Variants in PTPN9 observed in about 807,000 individuals in gnomAD.
The protein encoded by PTPN9 is protein tyrosine phosphatase non-receptor type 9.
Under a neutral mutation model 69.8 loss-of-function variants are expected in PTPN9, and 26 were observed. The ratio of observed to expected loss-of-function variants is 0.37; its 90% confidence interval spans 0.27 to 0.52. The LOEUF (loss-of-function observed/expected upper bound fraction) is 0.52, where lower values mean the gene tolerates loss of function less well. PTPN9 is among the 20% of genes least tolerant of loss of function. The pLI is 0.91. For synonymous variants in PTPN9, 274 were observed against 272.5 expected, an observed-to-expected ratio of 1.01 and a Z score of -0.05; for missense variants, 549 against 740.3, an observed-to-expected ratio of 0.74 and a Z score of 3.00.
intron 1 of PTPN9, among the ~76,000 whole-genome samples, chr15:75,570,548 T>C (rs536363191): frequency 5.5e-4 from 83 of 152,152 alleles, no homozygotes; most frequent in African/African-American, 1.8e-3. Context: ...GGCAGGAGGA[T>C]TGCTTGAGCT....
At position 75,532,471 on chromosome 15, in the gene PTPN9, G is replaced by T. The variant is rs150834299; in HGVS notation, c.64-5210C>A. ...GTCCTAATAAGAGAAAGGCATGCAG[G>T]TTTCACACACTTCCTTCAAAGTACA... On this transcript the variant is annotated intron_variant, in intron 1 of 12. Coordinates refer to ENST00000618819, the MANE Select transcript of PTPN9 (RefSeq NM_002833.4). Among the ~76,000 whole-genome samples the T allele has an allele frequency of 1.2e-4, 18 of 152,128 alleles. No individual in the cohort carries two copies. The East Asian group carries it at 2.1e-3, about 18-fold the overall frequency.
chr15:75,548,684 T>C (rs1439479174), intron 1 of PTPN9, among the ~76,000 whole-genome samples: 1 of 148,634 alleles, frequency 6.7e-6, no homozygotes, highest in Non-Finnish European at 1.5e-5. Flanking sequence ...GACAGAGTCT[T>C]GCTCTGTCAC....
intron 7 of PTPN9, among the ~76,000 whole-genome samples, chr15:75,503,223 G>C (rs1274460347): frequency 6.6e-6 from 1 of 150,650 alleles, no homozygotes; most frequent in Non-Finnish European, 1.5e-5. Flanking sequence ...TCCCATCTGG[G>C]AAGTGAGGAG....
At chr15:75,473,842 C>T in intron 9 of PTPN9, 75 bp from the exon 10 acceptor site, 2 of 1,150,032 alleles carry the variant, frequency 1.7e-6, no homozygotes, top group South Asian at 1.3e-5. Context: ...TTCTGTTTTA[C>T]TCCCCAATGG....
At position 75,463,340 on chromosome 15, in the gene PTPN9, G is replaced by T. The variant is rs1285719795; in HGVS notation, c.*5429C>A. 1 of 152,134 alleles carries T rather than the reference G, an allele frequency of 6.6e-6. No individual in the cohort carries two copies. Among genetic ancestry groups the T allele is most frequent in the African/African-American group, 2.4e-5 (1 of 41,418 alleles). The allele number at this position is 152,134 out of a possible 1,614,324, so 9.4% of individuals were successfully genotyped here. Reference sequence around the variant, plus strand: ...CAAGAAAGAGCCCCCAGATGAAATGGCTGACCTTTACTCAGGTGCACATCT... The same window carrying T: ...CAAGAAAGAGCCCCCAGATGAAATGTCTGACCTTTACTCAGGTGCACATCT... On this transcript the variant is annotated 3_prime_UTR_variant, in exon 13 of 13. Transcript: ENST00000618819.
intron 1 of PTPN9, among the ~76,000 whole-genome samples, chr15:75,567,310 G>A (rs1013787992): frequency 3.3e-5 from 5 of 151,932 alleles, no homozygotes; most frequent in African/African-American, 9.7e-5. Context: ...GAGTCACCGC[G>A]CCCAGCCTTA....
intron 3 of PTPN9, 72 bp downstream of exon 3, chr15:75,524,130 AAAAAAAC>A: frequency 1.5e-6 from 1 of 680,746 alleles, no homozygotes. Flanking sequence ...AAAAAAAAAA[AAAAAAAC>A]AAAGTCCAAA....
intron 1 of PTPN9, among the ~76,000 whole-genome samples, chr15:75,537,777 G>T (rs543174188): frequency 1.0e-4 from 6 of 58,376 alleles, no homozygotes; most frequent in East Asian, 8.9e-4. Context: ...AAAAAAAAAA[G>T]GCCAGGCGTG....
intron 7 of PTPN9, among the ~76,000 whole-genome samples, chr15:75,497,963 G>A (rs551897526): frequency 1.3e-5 from 2 of 151,992 alleles, no homozygotes; most frequent in Non-Finnish European, 2.9e-5. Context: ...GCTGAGGCTG[G>A]CGGATCACCT....
Position 75,579,144 on chromosome 15 carries a change from T to G in PTPN9, c.-368A>C. Reference sequence around the variant, plus strand: ...CCGGGAGCGAAGGGTCGGCGGAAATTTCCCGAAGGCCGCCGACCCCCTCGG... The same window carrying G: ...CCGGGAGCGAAGGGTCGGCGGAAATGTCCCGAAGGCCGCCGACCCCCTCGG... On this transcript the variant is annotated 5_prime_UTR_variant, in exon 1 of 13. Transcript: ENST00000618819. The G allele has an allele frequency of 6.5e-6, 1 of 154,110 alleles. No homozygotes were observed. The highest frequency in any genetic ancestry group is 1.4e-5 in the Non-Finnish European group (1 of 69,338). The allele number at this position is 154,110 out of a possible 1,614,324, so 9.5% of individuals were successfully genotyped here.
At chr15:75,561,131 C>T (rs1423989043) in intron 1 of PTPN9, among the ~76,000 whole-genome samples, 2 of 151,858 alleles carry the variant, frequency 1.3e-5, no homozygotes, top group Admixed American at 1.3e-4. Flanking sequence ...GCCTGACCAA[C>T]ATGGTGAAAC....
chr15:75,511,087 A>G (rs1041407403), intron 5 of PTPN9, among the ~76,000 whole-genome samples: 58 of 152,344 alleles, frequency 3.8e-4, no homozygotes, highest in Non-Finnish European at 7.9e-4. Context: ...CCTCATAAAT[A>G]TACCACATTT....
rs544790640 is a variant in PTPN9, at chr15:75,536,850, G to T, written c.64-9589C>A. Reference sequence around the variant, plus strand: ...TCAGACTGAAAGGAAAAAAAATCTAGCAACAGGGAGGTAAGTTCCCTGAAG... The same window carrying T: ...TCAGACTGAAAGGAAAAAAAATCTATCAACAGGGAGGTAAGTTCCCTGAAG... On this transcript the variant is annotated intron_variant, in intron 1 of 12. Transcript: ENST00000618819. Among the ~76,000 whole-genome samples the T allele has an allele frequency of 3.4e-4, 52 of 152,236 alleles. 1 individual carries two copies. The South Asian group carries it at 6.2e-3, about 18-fold the overall frequency.
intron 7 of PTPN9, among the ~76,000 whole-genome samples, chr15:75,504,831 C>A (rs2074807983): frequency 7.8e-6 from 1 of 128,630 alleles, no homozygotes; most frequent in Non-Finnish European, 1.6e-5. Flanking sequence ...GCCAGCCGCC[C>A]CGTCCGGGAG....
chr15:75,528,124 C>T (rs1216295824), intron 1 of PTPN9, among the ~76,000 whole-genome samples: 3 of 152,120 alleles, frequency 2.0e-5, no homozygotes, highest in Non-Finnish European at 4.4e-5. Context: ...CTTTATATGG[C>T]AACCCCAAAA....
At chr15:75,568,476 C>G (rs1394795614) in intron 1 of PTPN9, among the ~76,000 whole-genome samples, 2 of 149,044 alleles carry the variant, frequency 1.3e-5, no homozygotes, top group Non-Finnish European at 3.0e-5. Flanking sequence ...CCACTGCACT[C>G]CAGTCTGGGT....
At chr15:75,500,763 G>A (rs998154067) in intron 7 of PTPN9, among the ~76,000 whole-genome samples, 1 of 151,674 alleles carries the variant, frequency 6.6e-6, no homozygotes, top group Non-Finnish European at 1.5e-5. Context: ...GTGCATGTCT[G>A]TGGTCTCAGC....
intron 1 of PTPN9, among the ~76,000 whole-genome samples, chr15:75,530,765 A>G (rs1333615599): frequency 3.7e-4 from 31 of 83,864 alleles, no homozygotes; most frequent in African/African-American, 1.4e-3. Flanking sequence ...ATAATATATT[A>G]TTATAATTAT....
intron 1 of PTPN9, among the ~76,000 whole-genome samples, chr15:75,562,363 C>T (rs2075107581): frequency 6.6e-6 from 1 of 152,114 alleles, no homozygotes; most frequent in South Asian, 2.1e-4. Flanking sequence ...GTGGCTGAAA[C>T]CAGGAATGTT....
Sources: allele counts gnomAD v4.1 joint callset (sites outside exome capture counted in the v4.1 genomes callset), GRCh38; gene constraint gnomAD v4.1.1; transcripts MANE v1.5; gene names NCBI Gene and HGNC (gene_info 2026-07-23, HGNC 2026-07-21).